SIX4: variants seen among roughly 807,000 people sequenced by gnomAD.
SIX4 encodes homeobox protein SIX4.
Under a neutral mutation model 51.5 loss-of-function variants are expected in SIX4, and 23 were observed. That is an observed-to-expected ratio of 0.45 (90% CI 0.32 to 0.63). The LOEUF (loss-of-function observed/expected upper bound fraction) is 0.63. Among genes scored for constraint, SIX4 ranks in the 30% least tolerant of loss-of-function variants. SIX4 has a pLI of 0.04. For missense variants in SIX4, 867 were observed against 984.0 expected, an observed-to-expected ratio of 0.88 and a Z score of 1.59; for synonymous variants, 413 against 417.3, an observed-to-expected ratio of 0.99 and a Z score of 0.13.
rs1055091293 is a variant in SIX4, at chr14:60,710,637, G to A, written c.*2770C>T. On this transcript the variant is annotated 3_prime_UTR_variant, in exon 3 of 3. Transcript: ENST00000216513. ...ATGTAAGAGGGAAATTCTGCCACAT[G>A]ACTCCAAGGGTTCTGAGTCTGGCCC... 1 of 152,546 alleles carries A rather than the reference G, an allele frequency of 6.6e-6. No individual in the cohort carries two copies. Among genetic ancestry groups the A allele is most frequent in the African/African-American group, 2.4e-5 (1 of 41,426 alleles). 9.4% of individuals were successfully genotyped at this position (152,546 alleles called of 1,614,324 possible). A position where few individuals can be genotyped will look rare whatever the true frequency, so the allele number is the denominator to read the frequency against.
At position 60,723,344 on chromosome 14, in the gene SIX4, T is replaced by C. The variant is rs1055094353; in HGVS notation, c.731A>G (p.Gln244Arg). The C allele has an allele frequency of 1.9e-6, 3 of 1,612,366 alleles. No homozygotes were observed. Among genetic ancestry groups the C allele is most frequent in the Non-Finnish European group, 1.7e-6 (2 of 1,179,948 alleles). Residue 244 changes from glutamine (Q) to arginine (R), a missense_variant, in exon 1 of 3, where the codon CAG becomes CGG. Transcript: ENST00000216513. ...SRNALKELYK[Q>R]NRYPSPAEKR... ...CTCGGCGGGCGAAGGGTAGCGATTC[T>C]GCTTGTAGAGCTCCTTGAGCGCGTT...
chr14:60,712,717 TAAAA>T lies in SIX4; in HGVS notation c.*686_*689del, dbSNP rs1895845476. 1 of 152,540 alleles carries T rather than the reference TAAAA, an allele frequency of 6.6e-6. No homozygotes were observed. Among genetic ancestry groups the T allele is most frequent in the African/African-American group, 2.4e-5 (1 of 41,444 alleles). 9.4% of individuals were successfully genotyped at this position (152,540 alleles called of 1,614,324 possible). On this transcript the variant is annotated 3_prime_UTR_variant, in exon 3 of 3. Coordinates refer to ENST00000216513, the MANE Select transcript of SIX4 (RefSeq NM_017420.5). ...AGCGCCTGAAGAGAAACATATACAT[TAAAA>T]ATAAAATTCACTGTAATTACTCAAA...
chr14:60,723,226 C>T lies in SIX4; in HGVS notation c.849G>A (p.Glu283=). Residue 283 remains glutamate (E), a synonymous_variant, in exon 1 of 3, where the codon GAG becomes GAA. Transcript: ENST00000216513. ...TTGGCGCTCACCTTTTGGACTGGGT[C>T]TCGGAGGGGTTCCTGTCGCGCTGCC... The part of the protein sequence containing the change: ...NRRQRDRNPS[E]TQSKSESDGN... 1.9e-6 allele frequency: 3 copies of T among 1,611,472 alleles called. No individual in the cohort carries two copies. The highest frequency in any genetic ancestry group is 2.2e-5 in the East Asian group (1 of 44,770).
Position 60,717,503 on chromosome 14 carries a change from A to C in SIX4, c.1549+2257T>G, listed in dbSNP as rs1188875959. 6.6e-6 allele frequency among the ~76,000 whole-genome samples: 1 copy of C among 152,236 alleles called. No individual in the cohort carries two copies. The highest frequency in any genetic ancestry group is 1.5e-5 in the Non-Finnish European group (1 of 68,042). On this transcript the variant is annotated intron_variant, in intron 2 of 2. Coordinates refer to ENST00000216513, the MANE Select transcript of SIX4 (RefSeq NM_017420.5). This position sits in a 1 kb window ranked among gnomAD's most constrained non-coding sequence, Gnocchi z 4.6. ...GAACAAAATGATTAGTTATCTTTTTATAGAGCCATAAATAGCATAATACAT... is the reference window on the plus strand; with the variant it reads ...GAACAAAATGATTAGTTATCTTTTTCTAGAGCCATAAATAGCATAATACAT...
chr14:60,714,289 G>A, intron 2 of SIX4, 86 bp from the exon 3 acceptor site: 2 of 1,196,324 alleles, frequency 1.7e-6, no homozygotes, highest in Non-Finnish European at 2.3e-6. Flanking sequence ...CTCAGGTACA[G>A]TATCTATAAA....
rs1410444235 is a variant in SIX4, at chr14:60,719,458, C to T, written c.1549+302G>A. 1.3e-5 allele frequency among the ~76,000 whole-genome samples: 2 copies of T among 152,166 alleles called. No individual in the cohort carries two copies. Among genetic ancestry groups the T allele is most frequent in the Non-Finnish European group, 2.9e-5 (2 of 68,032 alleles). On this transcript the variant is annotated intron_variant, in intron 2 of 2. Transcript: ENST00000216513. The surrounding 1 kb of genome is among the most constrained non-coding windows in gnomAD (Gnocchi z 4.9). ...GCCAAGCAGTGAGTTATTTTGTAAG[C>T]ACTGATTGACTTATCATATTTCTGT...
Position 60,720,986 on chromosome 14 carries a change from C to T in SIX4, c.864-541G>A. 2.0e-6 allele frequency: 2 copies of T among 986,230 alleles called. No individual in the cohort carries two copies. The highest frequency in any genetic ancestry group is 2.4e-6 in the Non-Finnish European group (2 of 830,596). 61.1% of individuals were successfully genotyped at this position (986,230 alleles called of 1,614,324 possible). On this transcript the variant is annotated intron_variant, in intron 1 of 2. Transcript: ENST00000216513. The surrounding 1 kb of genome is among the most constrained non-coding windows in gnomAD (Gnocchi z 5.5). Reference sequence around the variant, plus strand: ...CAAGAGATCGTTTTCTCACCTGCTCCCAAACTTCTACTCCACCAGACTGAC... The same window carrying T: ...CAAGAGATCGTTTTCTCACCTGCTCTCAAACTTCTACTCCACCAGACTGAC...
chr14:60,723,364 C>T lies in SIX4; in HGVS notation c.711G>A (p.Ala237=), dbSNP rs758781323. The T allele has an allele frequency of 2.5e-6, 4 of 1,612,062 alleles. No homozygotes were observed. In the African/African-American group the frequency reaches 5.3e-5, roughly 22 times the overall value. ...GATTCTGCTTGTAGAGCTCCTTGAG[C>T]GCGTTGCGCGACTTCTCCTTGAAAC... ...VYCFKEKSRN[A]LKELYKQNRY... is the part of the protein sequence containing the mutation. Residue 237 remains alanine (A), a synonymous_variant, in exon 1 of 3, where the codon GCG becomes GCA. Coordinates refer to ENST00000216513, the MANE Select transcript of SIX4 (RefSeq NM_017420.5).
In SIX4 at chr14:60,723,863, G is replaced by A; in HGVS notation, c.212C>T (p.Ala71Val). 6.5e-7 allele frequency: 1 copy of A among 1,544,214 alleles called. No individual in the cohort carries two copies. The highest frequency in any genetic ancestry group is 8.6e-7 in the Non-Finnish European group (1 of 1,158,254). ...AAARVSGEEG[A>V]VAAAAAGAAA... is the part of the protein sequence containing the mutation. ...CGCTCCGGCCGCCGCCGCCGCCACTGCCCCTTCCTCTCCGCTCACCCTGGC... is the reference window on the plus strand; with the variant it reads ...CGCTCCGGCCGCCGCCGCCGCCACTACCCCTTCCTCTCCGCTCACCCTGGC... The change falls in exon 1 of 3, where the codon GCA becomes GTA. Residue 71 changes from alanine to valine, a missense_variant. Transcript: ENST00000216513.
At chr14:60,716,633 C>T (rs751482384) in intron 2 of SIX4, among the ~76,000 whole-genome samples, 6 of 152,022 alleles carry the variant, frequency 3.9e-5, no homozygotes, top group Admixed American at 6.5e-5. Flanking sequence ...AGTGATCCTC[C>T]TGCCTCAGCC....
Position 60,720,548 on chromosome 14 carries a change from T to C in SIX4, c.864-103A>G, listed in dbSNP as rs1896002866. Reference sequence around the variant, plus strand: ...CAGCTTCTAAATCCATTAAAGGCAGTATTTAAGGAAAGCACAGCAGGATAT... The same window carrying C: ...CAGCTTCTAAATCCATTAAAGGCAGCATTTAAGGAAAGCACAGCAGGATAT... On this transcript the variant is annotated intron_variant, in intron 1 of 2. Transcript: ENST00000216513. The surrounding 1 kb of genome is among the most constrained non-coding windows in gnomAD (Gnocchi z 5.5). The C allele has an allele frequency of 8.7e-7, 1 of 1,151,958 alleles. No homozygotes were observed. The highest frequency in any genetic ancestry group is 1.5e-5 in the African/African-American group (1 of 64,736). The allele number at this position is 1,151,958 out of a possible 1,614,324, so 71.4% of individuals were successfully genotyped here.
rs1460083056 is a variant in SIX4 at position 60,724,311 on chromosome 14, T to C, written c.-237A>G. ...TAAACGGATAGCTGCTTTCTGCCGT[T>C]CCCCCAACGTGACTCCTCCGGTTGC... On this transcript the variant is annotated 5_prime_UTR_variant, in exon 1 of 3. Coordinates refer to ENST00000216513, the MANE Select transcript of SIX4 (RefSeq NM_017420.5). 4.0e-6 allele frequency: 6 copies of C among 1,502,400 alleles called. No homozygotes were observed. In the African/African-American group the frequency reaches 8.3e-5, roughly 21 times the overall value. The allele number at this position is 1,502,400 out of a possible 1,614,324, so 93.1% of individuals were successfully genotyped here. A position where few individuals can be genotyped will look rare whatever the true frequency, so the allele number is the denominator to read the frequency against.
At position 60,710,347 on chromosome 14, in the gene SIX4, T is replaced by C. The variant is rs1226249007; in HGVS notation, c.*3060A>G. On this transcript the variant is annotated 3_prime_UTR_variant, in exon 3 of 3. Transcript: ENST00000216513. ...AAAAGTCTTTTCATTACTATAAATA[T>C]ACATGAGATATAAAGCAGTACAACA... is the stretch of plus-strand genomic sequence containing the variant. 1.3e-5 allele frequency: 2 copies of C among 152,622 alleles called. No individual in the cohort carries two copies. The highest frequency in any genetic ancestry group is 4.8e-5 in the African/African-American group (2 of 41,450). The allele number at this position is 152,622 out of a possible 1,614,324, so 9.5% of individuals were successfully genotyped here.
At position 60,710,214 on chromosome 14, in the gene SIX4, A is replaced by G. The variant is rs1895797309; in HGVS notation, c.*3193T>C. ...ACATGCAAGATACAAGGGCATACAC[A>G]GAGAGATTTAAGGTCAGTGTGCAAT... On this transcript the variant is annotated 3_prime_UTR_variant, in exon 3 of 3. Coordinates refer to ENST00000216513, the MANE Select transcript of SIX4 (RefSeq NM_017420.5). 1 of 152,678 alleles carries G rather than the reference A, an allele frequency of 6.5e-6. No homozygotes were observed. The highest frequency in any genetic ancestry group is 2.4e-5 in the African/African-American group (1 of 41,464). 9.5% of individuals were successfully genotyped at this position (152,678 alleles called of 1,614,324 possible). A position where few individuals can be genotyped will look rare whatever the true frequency, so the allele number is the denominator to read the frequency against.
chr14:60,724,320 G>T lies in SIX4; in HGVS notation c.-246C>A. ...AGCTGCTTTCTGCCGTTCCCCCAAC[G>T]TGACTCCTCCGGTTGCTGCATACTA... is the stretch of plus-strand genomic sequence containing the variant. On this transcript the variant is annotated 5_prime_UTR_variant, in exon 1 of 3. Coordinates refer to ENST00000216513, the MANE Select transcript of SIX4 (RefSeq NM_017420.5). 2.0e-6 allele frequency: 3 copies of T among 1,493,324 alleles called. No homozygotes were observed. The highest frequency in any genetic ancestry group is 2.7e-6 in the Non-Finnish European group (3 of 1,119,642). 92.5% of individuals were successfully genotyped at this position (1,493,324 alleles called of 1,614,324 possible).
rs924459003 is a variant in SIX4 at position 60,712,187 on chromosome 14, A to T, written c.*1220T>A. 3 of 152,618 alleles carry T rather than the reference A, an allele frequency of 2.0e-5. No individual in the cohort carries two copies. Among genetic ancestry groups the T allele is most frequent in the African/African-American group, 7.2e-5 (3 of 41,442 alleles). The allele number at this position is 152,618 out of a possible 1,614,324, so 9.5% of individuals were successfully genotyped here. On this transcript the variant is annotated 3_prime_UTR_variant, in exon 3 of 3. Coordinates refer to ENST00000216513, the MANE Select transcript of SIX4 (RefSeq NM_017420.5). ...ATGGTTTTCATAGCCTGTATAATCA[A>T]TTTGACATGGTATTTATAACTTATT...
Position 60,724,135 on chromosome 14 carries a change from T to G in SIX4, c.-61A>C, listed in dbSNP as rs938871086. The G allele has an allele frequency of 1.9e-6, 3 of 1,603,120 alleles. No individual in the cohort carries two copies. The highest frequency in any genetic ancestry group is 2.6e-6 in the Non-Finnish European group (3 of 1,175,300). On this transcript the variant is annotated 5_prime_UTR_variant, in exon 1 of 3. Transcript: ENST00000216513. ...TCGCACTCTTTTCCTCTTTCTTTCC[T>G]CCTCTCTTACTCCTCCTCCTTCGTC...
chr14:60,721,212 C>T (rs1208297829), intron 1 of SIX4: 1 of 952,198 alleles, frequency 1.1e-6, no homozygotes, highest in East Asian at 1.2e-4. Context: ...TCCCCAACGT[C>T]CTTGGTCCCT....
rs1180516228 is a variant in SIX4 at position 60,710,580 on chromosome 14, G to A, written c.*2827C>T. The stretch of plus-strand genomic sequence containing the variant: ...GTTTTGATCTTCAGGGATCATTAGA[G>A]GGTCATTTGCAGCATTTTCAAGCAT... On this transcript the variant is annotated 3_prime_UTR_variant, in exon 3 of 3. Coordinates refer to ENST00000216513, the MANE Select transcript of SIX4 (RefSeq NM_017420.5). 6.6e-6 allele frequency: 1 copy of A among 152,558 alleles called. No homozygotes were observed. Among genetic ancestry groups the A allele is most frequent in the African/African-American group, 2.4e-5 (1 of 41,430 alleles). The allele number at this position is 152,558 out of a possible 1,614,324, so 9.5% of individuals were successfully genotyped here.
Sources: gnomAD v4.1 joint callset for allele counts (sites outside exome capture counted in the v4.1 genomes callset) on GRCh38, gnomAD v4.1.1 for gene constraint, Gnocchi (gnomAD v3.1) non-coding constraint, MANE v1.5 for transcripts, NCBI Gene and HGNC (gene_info 2026-07-23, HGNC 2026-07-21) for gene names.